The following TRRAP variants were observed in gnomAD, a reference collection of about 807,000 sequenced individuals.
TRRAP encodes the protein transformation/transcription domain-associated protein.
In TRRAP, 41 loss-of-function variants were observed where a neutral mutation model predicts 438.8. The observed-to-expected ratio is 0.09, with a 90% CI of 0.07 to 0.12. The LOEUF is 0.12. Ranked by LOEUF, TRRAP falls within the 10% of genes least tolerant of loss-of-function variation. The pLI, the probability that TRRAP is intolerant of heterozygous loss-of-function variation, is 1.00. For missense variants in TRRAP, 3,122 were observed against 5,055.1 expected, an observed-to-expected ratio of 0.62 and a Z score of 11.60; for synonymous variants, 1,994 against 1,962.9, an observed-to-expected ratio of 1.02 and a Z score of -0.42.
Position 98,910,495 on chromosome 7 carries a change from C to G in TRRAP, c.1715-15C>G. On this transcript the variant is annotated splice_polypyrimidine_tract_variant and intron_variant, in intron 15 of 72. Coordinates refer to ENST00000456197, the MANE Select transcript of TRRAP (RefSeq NM_001375524.1). ...GTTTTATTCAAGTTAACTTAATATA[C>G]TTTCTCTTTTCCAGAAGCTCAGTTC... 1 of 1,613,896 alleles carries G rather than the reference C, an allele frequency of 6.2e-7. No homozygotes were observed. Among genetic ancestry groups the G allele is most frequent in the East Asian group, 2.2e-5 (1 of 44,874 alleles).
chr7:98,963,165 G>A (rs1256108864), intron 47 of TRRAP, among the ~76,000 whole-genome samples: 1 of 152,184 alleles, frequency 6.6e-6, no homozygotes, highest in African/African-American at 2.4e-5. Context: ...GATAGCCCTT[G>A]TTAGGCAAAC....
rs1796878503 is a variant in TRRAP, at chr7:98,908,197, T to C, written c.1116-531T>C. On this transcript the variant is annotated intron_variant, in intron 13 of 72. Coordinates refer to ENST00000456197, the MANE Select transcript of TRRAP (RefSeq NM_001375524.1). The surrounding 1 kb of genome is among the most constrained non-coding windows in gnomAD (Gnocchi z 4.1). ...TACTAACTTGTGTAGCTTATTTCTTTACTTGTGTGTTCTCTGCTGTAAGTA... is the reference window on the plus strand; with the variant it reads ...TACTAACTTGTGTAGCTTATTTCTTCACTTGTGTGTTCTCTGCTGTAAGTA... Among the ~76,000 whole-genome samples, 1 of 152,240 alleles carries C rather than the reference T, an allele frequency of 6.6e-6. No homozygotes were observed. The highest frequency in any genetic ancestry group is 1.5e-5 in the Non-Finnish European group (1 of 68,034).
rs563583009 is a variant in TRRAP at position 98,949,085 on chromosome 7, T to C, written c.4789-332T>C. On this transcript the variant is annotated intron_variant, in intron 35 of 72. Transcript: ENST00000456197. The stretch of plus-strand genomic sequence containing the variant: ...TTGTCTTTACAAAAAATATGAAAAT[T>C]AGCCGGGCACGGTGGCACATGCCTG... 5.3e-4 allele frequency among the ~76,000 whole-genome samples: 80 copies of C among 152,186 alleles called. 1 individual carries two copies. The highest frequency in any genetic ancestry group is 1.8e-3 in the African/African-American group (76 of 41,526).
In TRRAP at chr7:98,890,351, C is replaced by T; in HGVS notation, c.167C>T (p.Pro56Leu). ...CACAATTAGAATGTCACGTCATCTC[C>T]TCAGTATTCTACATTCCTAGAACAT... The part of the protein sequence containing the change: ...SENFENVTSS[P>L]QYSTFLEHII... Residue 56 changes from proline to leucine, a missense_variant, in exon 4 of 73, where the codon CCT becomes CTT. This residue lies in a region of TRRAP where 343 missense variants were observed against 564.0 expected (regional missense o/e 0.61). Coordinates refer to ENST00000456197, the MANE Select transcript of TRRAP (RefSeq NM_001375524.1). 2 of 1,583,470 alleles carry T rather than the reference C, an allele frequency of 1.3e-6. No homozygotes were observed. The highest frequency in any genetic ancestry group is 1.7e-6 in the Non-Finnish European group (2 of 1,169,476).
At chr7:98,964,490 A>G (rs1792063409) in intron 47 of TRRAP, 139 bp from the exon 48 acceptor site, 1 of 903,312 alleles carries the variant, frequency 1.1e-6, no homozygotes, top group Non-Finnish European at 1.7e-6. Context: ...AGCGTGAGCC[A>G]TGTAAAAGCT....
intron 8 of TRRAP, among the ~76,000 whole-genome samples, chr7:98,898,165 T>G (rs113256976): frequency 6.6e-6 from 1 of 152,158 alleles, no homozygotes; most frequent in Non-Finnish European, 1.5e-5. Context: ...TCTTTTGACA[T>G]TAATAAAGTC....
intron 13 of TRRAP, among the ~76,000 whole-genome samples, chr7:98,907,233 G>A (rs1188722466): frequency 6.6e-6 from 1 of 151,990 alleles, no homozygotes; most frequent in East Asian, 1.9e-4. Context: ...TGAGGCAGGG[G>A]AATCGCTTGA....
chr7:98,996,778 T>C (rs1209208102), intron 67 of TRRAP, among the ~76,000 whole-genome samples: 1 of 152,214 alleles, frequency 6.6e-6, no homozygotes, highest in Non-Finnish European at 1.5e-5. Flanking sequence ...TCTGTGACCT[T>C]TTTCCTCTTA....
rs782020910 is a variant in TRRAP, at chr7:98,911,061, TTTTC to T, written c.1813-15_1813-12del. 6.2e-7 allele frequency: 1 copy of T among 1,608,414 alleles called. No homozygotes were observed. The highest frequency in any genetic ancestry group is 8.5e-7 in the Non-Finnish European group (1 of 1,177,620). On this transcript the variant is annotated splice_polypyrimidine_tract_variant and intron_variant, in intron 16 of 72. Coordinates refer to ENST00000456197, the MANE Select transcript of TRRAP (RefSeq NM_001375524.1). Reference sequence around the variant, plus strand: ...CAGTTTTAATGCCTGTGGGCGGCTTTTTTCCCCTGTATTAGGTCCAGATAGCAGG... The same window carrying T: ...CAGTTTTAATGCCTGTGGGCGGCTTTCCCTGTATTAGGTCCAGATAGCAGG...
At chr7:98,904,249 C>T (rs933663701) in intron 12 of TRRAP, among the ~76,000 whole-genome samples, 3 of 151,900 alleles carry the variant, frequency 2.0e-5, no homozygotes, top group South Asian at 2.1e-4. Context: ...TTAGGGAGGC[C>T]GAGGCGAGCG....
At chr7:98,962,616 G>A (rs1025628930) in intron 47 of TRRAP, among the ~76,000 whole-genome samples, 189 bp downstream of exon 47, 2 of 152,206 alleles carry the variant, frequency 1.3e-5, no homozygotes, top group Non-Finnish European at 2.9e-5. Flanking sequence ...CCCCTTCGCC[G>A]ATGCTTGCTC....
At position 98,961,340 on chromosome 7, in the gene TRRAP, C is replaced by T. The variant is rs867591253; in HGVS notation, c.6569C>T (p.Ser2190Phe). ...VLSFLLTVLQSPAILSSFKPL... is the reference protein window; with the variant it reads ...VLSFLLTVLQFPAILSSFKPL... ...AGCTTCCTGCTAACTGTCCTCCAGT[C>T]CCCAGCCATCCTCAGTAGCTTCAAA... Residue 2190 changes from serine to phenylalanine, a missense_variant, in exon 46 of 73, where the codon TCC becomes TTC. Transcript: ENST00000456197. 1 of 1,614,194 alleles carries T rather than the reference C, an allele frequency of 6.2e-7. No homozygotes were observed. The highest frequency in any genetic ancestry group is 8.5e-7 in the Non-Finnish European group (1 of 1,180,036).
chr7:98,927,660 T>G (rs1385977373), intron 23 of TRRAP, among the ~76,000 whole-genome samples: 1 of 152,182 alleles, frequency 6.6e-6, no homozygotes, highest in African/African-American at 2.4e-5. Context: ...ACAGACAGTT[T>G]GTGTTCATAC....
intron 27 of TRRAP, among the ~76,000 whole-genome samples, chr7:98,935,295 GA>G (rs532816242): frequency 2.7e-5 from 4 of 150,942 alleles, no homozygotes; most frequent in East Asian, 3.9e-4. Flanking sequence ...GTTTTGAGGA[GA>G]AAAAAAAACG....
chr7:99,004,898 G>A (rs976107949), intron 68 of TRRAP, among the ~76,000 whole-genome samples: 4 of 152,084 alleles, frequency 2.6e-5, no homozygotes, highest in African/African-American at 9.7e-5. Context: ...TCTGGCTCCT[G>A]TCCTGGCCAG....
In TRRAP at chr7:98,965,726, A is replaced by G. The variant is rs781487552; in HGVS notation, c.7007A>G (p.Glu2336Gly). 11 of 1,614,068 alleles carry G rather than the reference A, an allele frequency of 6.8e-6. No homozygotes were observed. Among genetic ancestry groups the G allele is most frequent in the Non-Finnish European group, 7.6e-6 (9 of 1,180,014 alleles). Residue 2336 changes from glutamate to glycine, a missense_variant, in exon 49 of 73, where the codon GAG (glutamate) becomes GGG (glycine). Coordinates refer to ENST00000456197, the MANE Select transcript of TRRAP (RefSeq NM_001375524.1). The part of the protein sequence containing the change: ...GTSELVMLSL[E>G]LVKTRLAVMS... ...AGCGAGCTGGTGATGCTGAGTCTGGAGCTGGTGAAGACGCGCCTGGCAGTG... is the reference window on the plus strand; with the variant it reads ...AGCGAGCTGGTGATGCTGAGTCTGGGGCTGGTGAAGACGCGCCTGGCAGTG...
intron 19 of TRRAP, among the ~76,000 whole-genome samples, chr7:98,916,832 G>A (rs186997483): frequency 2.6e-5 from 4 of 152,192 alleles, no homozygotes; most frequent in South Asian, 2.1e-4. Context: ...CTGCTGCCCC[G>A]TGAGGCCATC....
At chr7:98,930,558 A>AC in intron 24 of TRRAP, 75 bp from the exon 25 acceptor site, 2 of 1,577,306 alleles carry the variant, frequency 1.3e-6, no homozygotes, top group East Asian at 2.2e-5. Context: ...GGCCTGGGCA[A>AC]TAAGAGCGAA....
chr7:98,947,803 G>A (rs1554417246), intron 33 of TRRAP, among the ~76,000 whole-genome samples: 2 of 152,194 alleles, frequency 1.3e-5, no homozygotes, highest in African/African-American at 4.8e-5. Context: ...AGAACTTAGT[G>A]TGTTGAGAGG....
Sources: gnomAD v4.1 joint callset for allele counts (sites outside exome capture counted in the v4.1 genomes callset) on GRCh38, gnomAD v4.1.1 for gene constraint, gnomAD v4.1.1 regional missense constraint, Gnocchi (gnomAD v3.1) non-coding constraint, MANE v1.5 for transcripts, NCBI Gene and HGNC (gene_info 2026-07-23, HGNC 2026-07-21) for gene names.